Variants in LRRTM4 observed in about 807,000 individuals in gnomAD.
LRRTM4 encodes the protein leucine rich repeat transmembrane neuronal 4.
A neutral mutation model predicts 47.6 loss-of-function variants in LRRTM4; 25 were observed. That is an observed-to-expected ratio of 0.53 (90% CI 0.38 to 0.73). The LOEUF (loss-of-function observed/expected upper bound fraction) is 0.73. Among genes scored for constraint, LRRTM4 ranks in the 30% least tolerant of loss-of-function variants. The pLI is 0.00. For missense variants in LRRTM4, 638 were observed against 713.4 expected (o/e 0.89, Z 1.20); for synonymous variants, 311 against 269.5 (o/e 1.15, Z -1.51).
intron 3 of LRRTM4, among the ~76,000 whole-genome samples, chr2:77,191,550 CA>C (rs1253264042): frequency 2.7e-5 from 4 of 150,890 alleles, no homozygotes; most frequent in Non-Finnish European, 1.5e-5. Flanking sequence ...TCACTAATAC[CA>C]ATTAAAATTT....
intron 3 of LRRTM4, among the ~76,000 whole-genome samples, chr2:76,989,300 C>A (rs1676919788): frequency 6.6e-6 from 1 of 151,770 alleles, no homozygotes; most frequent in South Asian, 2.1e-4. Flanking sequence ...CAAATTGCTA[C>A]TAGTTTTCCA....
intron 3 of LRRTM4, among the ~76,000 whole-genome samples, chr2:76,802,583 C>A (rs1675757739): frequency 6.6e-6 from 1 of 152,054 alleles, no homozygotes; most frequent in Admixed American, 6.6e-5. Flanking sequence ...ATTCCAATGG[C>A]ATTTTTCACA....
chr2:76,867,551 C>T (rs1210287860), intron 3 of LRRTM4, among the ~76,000 whole-genome samples: 3 of 152,078 alleles, frequency 2.0e-5, no homozygotes, highest in Non-Finnish European at 1.5e-5. Flanking sequence ...TAGAAGTTAG[C>T]TGCTATAATA....
intron 3 of LRRTM4, 46 bp from the exon 4 acceptor site, chr2:76,748,962 G>T: frequency 6.7e-7 from 1 of 1,501,458 alleles, no homozygotes; most frequent in Non-Finnish European, 9.2e-7. Flanking sequence ...AAATTGCTTT[G>T]GAAAGATAGG....
intron 3 of LRRTM4, among the ~76,000 whole-genome samples, chr2:77,084,709 G>A (rs371360430): frequency 1.2e-4 from 18 of 152,226 alleles, no homozygotes; most frequent in African/African-American, 4.3e-4. Flanking sequence ...GTGTCATCAT[G>A]AGATAGTTAT....
intron 3 of LRRTM4, among the ~76,000 whole-genome samples, chr2:77,201,968 T>C (rs1305668560): frequency 6.6e-6 from 1 of 152,096 alleles, no homozygotes; most frequent in African/African-American, 2.4e-5. Context: ...AAAGATGAGC[T>C]CATGTACAAG....
intron 3 of LRRTM4, among the ~76,000 whole-genome samples, chr2:76,898,845 CTA>C (rs1449874417): frequency 6.6e-6 from 1 of 150,966 alleles, no homozygotes; most frequent in Non-Finnish European, 1.5e-5. Context: ...AAATATAAAA[CTA>C]TATATAGTTA....
chr2:76,968,350 A>ATATATG (rs1676101215), intron 3 of LRRTM4, among the ~76,000 whole-genome samples: 1 of 103,612 alleles, frequency 9.7e-6, no homozygotes, highest in African/African-American at 4.2e-5. Context: ...GTATATATAT[A>ATATATG]TATATATATA....
At chr2:76,901,017 G>A (rs955760327) in intron 3 of LRRTM4, among the ~76,000 whole-genome samples, 9 of 152,100 alleles carry the variant, frequency 5.9e-5, no homozygotes, top group Admixed American at 5.2e-4. Context: ...TTAAGCAGAA[G>A]TCCAATGAGA....
intron 3 of LRRTM4, among the ~76,000 whole-genome samples, chr2:77,392,873 T>C (rs1673557153): frequency 6.6e-6 from 1 of 152,050 alleles, no homozygotes; most frequent in Non-Finnish European, 1.5e-5. Flanking sequence ...AGATTTTAAG[T>C]GTTCTCATCA....
At chr2:76,794,045 A>T (rs1049607388) in intron 3 of LRRTM4, among the ~76,000 whole-genome samples, 4 of 152,196 alleles carry the variant, frequency 2.6e-5, no homozygotes, top group African/African-American at 7.2e-5. Context: ...GGGCTAGGGA[A>T]GTCCAACCAG....
At chr2:76,831,738 A>C (rs1018924045) in intron 3 of LRRTM4, among the ~76,000 whole-genome samples, 1 of 152,140 alleles carries the variant, frequency 6.6e-6, no homozygotes, top group African/African-American at 2.4e-5. Context: ...CTAATATCTC[A>C]GATCAACCCC....
At chr2:77,164,541 T>G (rs553957527) in intron 3 of LRRTM4, among the ~76,000 whole-genome samples, 257 of 152,268 alleles carry the variant, frequency 1.7e-3, no homozygotes, top group Non-Finnish European at 3.0e-3. Flanking sequence ...TATTCCAAAA[T>G]TGCCCACATA....
intron 3 of LRRTM4, among the ~76,000 whole-genome samples, chr2:76,831,220 A>G (rs1363493278): frequency 1.3e-5 from 2 of 152,152 alleles, no homozygotes; most frequent in Non-Finnish European, 2.9e-5. Flanking sequence ...TGTGTGTGAA[A>G]TGAACAAAGA....
At chr2:77,374,152 A>C (rs1197781024) in intron 3 of LRRTM4, among the ~76,000 whole-genome samples, 1 of 151,814 alleles carries the variant, frequency 6.6e-6, no homozygotes, top group Non-Finnish European at 1.5e-5. Flanking sequence ...AGAGTATAGG[A>C]AGATGCGAAG....
intron 3 of LRRTM4, among the ~76,000 whole-genome samples, chr2:76,794,063 G>A (rs1224684912): frequency 6.6e-6 from 1 of 152,168 alleles, no homozygotes; most frequent in Non-Finnish European, 1.5e-5. Flanking sequence ...CAGGAACTAA[G>A]AATTGTAAAA....
At chr2:76,800,723 C>G (rs368292776) in intron 3 of LRRTM4, among the ~76,000 whole-genome samples, 1 of 114,510 alleles carries the variant, frequency 8.7e-6, no homozygotes. Flanking sequence ...GGGCTAATAT[C>G]CAGAATCTAC....
intron 3 of LRRTM4, among the ~76,000 whole-genome samples, chr2:76,924,171 C>T (rs1337813209): frequency 6.6e-6 from 1 of 152,066 alleles, no homozygotes; most frequent in Non-Finnish European, 1.5e-5. Context: ...AAAAACTCAT[C>T]TCCTTTCAGA....
At chr2:76,958,598 A>C (rs1320865251) in intron 3 of LRRTM4, among the ~76,000 whole-genome samples, 1 of 151,664 alleles carries the variant, frequency 6.6e-6, no homozygotes, top group Non-Finnish European at 1.5e-5. Context: ...GCCTCACACT[A>C]TCTCTCATGT....
Sources: allele counts gnomAD v4.1 joint callset (sites outside exome capture counted in the v4.1 genomes callset), GRCh38; gene constraint gnomAD v4.1.1; transcripts MANE v1.5; gene names NCBI Gene and HGNC (gene_info 2026-07-23, HGNC 2026-07-21).